The following RBFOX1 variants were observed in gnomAD, a reference collection of about 807,000 sequenced individuals.
The protein encoded by RBFOX1 is RNA binding protein fox-1 homolog 1.
Under a neutral mutation model 57.7 loss-of-function variants are expected in RBFOX1, and 8 were observed. That is an observed-to-expected ratio of 0.14 (90% CI 0.08 to 0.25). The LOEUF (loss-of-function observed/expected upper bound fraction) is 0.25. Ranked by LOEUF, RBFOX1 falls within the 10% of genes least tolerant of loss-of-function variation. The pLI is 1.00. For missense variants in RBFOX1, 611 were observed against 548.5 expected (o/e 1.11, Z -1.14); for synonymous variants, 326 against 222.4 (o/e 1.47, Z -4.15).
intron 1 of RBFOX1, among the ~76,000 whole-genome samples, chr16:6,168,848 G>T (rs960424554): frequency 6.6e-6 from 1 of 151,622 alleles, no homozygotes; most frequent in Non-Finnish European, 1.5e-5. Context: ...TCTCCCAGTG[G>T]ATTCTCTCTG....
At chr16:5,447,196 G>A (rs961526839) in intron 1 of RBFOX1, among the ~76,000 whole-genome samples, 1 of 152,100 alleles carries the variant, frequency 6.6e-6, no homozygotes, top group Non-Finnish European at 1.5e-5. Flanking sequence ...CCTCAAAGGA[G>A]TATTGTCCTG....
At chr16:6,890,783 G>T (rs557663041) in intron 3 of RBFOX1, among the ~76,000 whole-genome samples, 1 of 152,082 alleles carries the variant, frequency 6.6e-6, no homozygotes, top group African/African-American at 2.4e-5. Context: ...TTTAACCTAC[G>T]TACCCACTCT....
intron 3 of RBFOX1, among the ~76,000 whole-genome samples, chr16:6,991,168 G>A (rs569283341): frequency 0.018 from 2,458 of 138,680 alleles, 118 homozygotes; most frequent in African/African-American, 0.064. Context: ...AAAAAGACAC[G>A]GTGGCGTGTA....
chr16:6,694,436 C>A (rs1218521374), intron 3 of RBFOX1, among the ~76,000 whole-genome samples: 1 of 152,210 alleles, frequency 6.6e-6, no homozygotes, highest in Non-Finnish European at 1.5e-5. Context: ...ACCATGTGAA[C>A]ATTTCATTTT....
intron 4 of RBFOX1, among the ~76,000 whole-genome samples, chr16:7,321,418 T>A (rs2096544061): frequency 2.0e-5 from 3 of 152,128 alleles, no homozygotes; most frequent in Non-Finnish European, 4.4e-5. Context: ...AGTGCTGGGA[T>A]TACAGGTGTG....
rs566045621 is a variant in RBFOX1, at chr16:6,803,292, C to A, written c.-16+148642C>A. 2.3e-4 allele frequency among the ~76,000 whole-genome samples: 35 copies of A among 152,272 alleles called. No homozygotes were observed. The East Asian group carries it at 4.4e-3, about 19-fold the overall frequency. On this transcript the variant is annotated intron_variant, in intron 3 of 15. Coordinates refer to ENST00000550418, the MANE Select transcript of RBFOX1 (RefSeq NM_018723.4). ...TTCAATTTTCAGGAAGGCCCACATC[C>A]CAGAACTGGCATTGTTTCCTTAGTC...
chr16:6,890,667 C>T (rs975956818), intron 3 of RBFOX1, among the ~76,000 whole-genome samples: 5 of 152,178 alleles, frequency 3.3e-5, no homozygotes, highest in African/African-American at 7.2e-5. Context: ...GATTTATCTC[C>T]ATCTTGTCTG....
intron 2 of RBFOX1, among the ~76,000 whole-genome samples, chr16:6,475,469 C>G (rs769564436): frequency 2.6e-5 from 4 of 152,144 alleles, no homozygotes; most frequent in Non-Finnish European, 4.4e-5. Context: ...ATTTTGTAGA[C>G]AATGCTTGGA....
intron 4 of RBFOX1, among the ~76,000 whole-genome samples, chr16:7,511,449 G>C (rs933462520): frequency 6.6e-6 from 1 of 152,140 alleles, no homozygotes; most frequent in Non-Finnish European, 1.5e-5. Context: ...TCAGGGTTCA[G>C]GATATTTCAG....
intron 5 of RBFOX1, among the ~76,000 whole-genome samples, chr16:7,527,684 G>T (rs1353022116): frequency 6.6e-6 from 1 of 152,060 alleles, no homozygotes; most frequent in African/African-American, 2.4e-5. Context: ...TTTTATATGT[G>T]AGGCTTAGAG....
At chr16:6,986,377 C>G (rs761987075) in intron 3 of RBFOX1, among the ~76,000 whole-genome samples, 21 of 151,838 alleles carry the variant, frequency 1.4e-4, no homozygotes, top group African/African-American at 4.6e-4. Context: ...TTTCCTGTTT[C>G]TAGTAGAGAC....
intron 2 of RBFOX1, among the ~76,000 whole-genome samples, chr16:5,526,647 A>G (rs540644506): frequency 1.6e-4 from 25 of 152,270 alleles, no homozygotes; most frequent in African/African-American, 5.8e-4. Context: ...ACACACAAGC[A>G]ATGAAACAGG....
intron 3 of RBFOX1, among the ~76,000 whole-genome samples, chr16:6,658,717 C>G (rs978316682): frequency 1.3e-5 from 2 of 152,082 alleles, no homozygotes; most frequent in Admixed American, 6.5e-5. Flanking sequence ...TGGGGAAATT[C>G]ATAATGTGTA....
chr16:6,865,253 T>G (rs907726324), intron 3 of RBFOX1, among the ~76,000 whole-genome samples: 1 of 152,068 alleles, frequency 6.6e-6, no homozygotes, highest in Non-Finnish European at 1.5e-5. Flanking sequence ...TCCACCCGCC[T>G]TGGCCTCCCA....
intron 1 of RBFOX1, among the ~76,000 whole-genome samples, chr16:5,273,569 G>T (rs2063068838): frequency 4.6e-5 from 7 of 152,182 alleles, no homozygotes; most frequent in Admixed American, 2.6e-4. Flanking sequence ...GGTTTGGAAC[G>T]ACGGGAAGGA....
chr16:6,079,928 G>A (rs548717659), intron 1 of RBFOX1, among the ~76,000 whole-genome samples: 2 of 152,174 alleles, frequency 1.3e-5, no homozygotes, highest in Non-Finnish European at 2.9e-5. Flanking sequence ...AATTAATTTA[G>A]AATGCTCATG....
chr16:5,547,751 T>C (rs183145003), intron 2 of RBFOX1, among the ~76,000 whole-genome samples: 431 of 152,262 alleles, frequency 2.8e-3, no homozygotes, highest in African/African-American at 0.01. Flanking sequence ...TGCAGCAATA[T>C]GGATCCAACT....
chr16:6,059,757 A>G (rs2095659851), intron 1 of RBFOX1, among the ~76,000 whole-genome samples: 1 of 152,106 alleles, frequency 6.6e-6, no homozygotes, highest in Non-Finnish European at 1.5e-5. Flanking sequence ...ATTTCAGCCA[A>G]ATTCACCATT....
At chr16:5,365,370 TAAG>T (rs2065682023) in intron 1 of RBFOX1, among the ~76,000 whole-genome samples, 1 of 152,108 alleles carries the variant, frequency 6.6e-6, no homozygotes, top group East Asian at 1.9e-4. Context: ...ATCCTGGCAT[TAAG>T]AAAAGTGTTA....
Sources: allele counts gnomAD v4.1 joint callset (sites outside exome capture counted in the v4.1 genomes callset), GRCh38; gene constraint gnomAD v4.1.1; transcripts MANE v1.5; gene names NCBI Gene and HGNC (gene_info 2026-07-23, HGNC 2026-07-21).